The following EPHA7 variants were observed in gnomAD, a reference collection of about 807,000 sequenced individuals.
EPHA7 encodes the protein EPH receptor A7.
EPHA7 carries 25 observed loss-of-function variants against 112.6 expected under a neutral mutation model. The observed-to-expected ratio is 0.22, with a 90% confidence interval of 0.16 to 0.31. The LOEUF is 0.31. EPHA7 is among the 10% of genes least tolerant of loss of function. EPHA7 has a pLI of 1.00. For synonymous variants in EPHA7, 437 were observed against 406.5 expected (o/e 1.07, Z -0.90); for missense variants, 962 against 1,212.6 (o/e 0.79, Z 3.07).
chr6:93,344,994 A>C (rs1299381950), intron 5 of EPHA7, among the ~76,000 whole-genome samples: 1 of 151,494 alleles, frequency 6.6e-6, no homozygotes, highest in Non-Finnish European at 1.5e-5. Flanking sequence ...AAGCCCTACC[A>C]CCATTCGAAT....
intron 3 of EPHA7, among the ~76,000 whole-genome samples, chr6:93,403,267 T>C (rs759374020): frequency 6.6e-6 from 1 of 152,020 alleles, no homozygotes; most frequent in Non-Finnish European, 1.5e-5. Context: ...TGCCAGTGGA[T>C]AGTTTATGAG....
At position 93,272,414 on chromosome 6, in the gene EPHA7, G is replaced by T. The variant is rs749130416; in HGVS notation, c.1333C>A (p.Gln445Lys). ...CTCTCCTTCATTACTCCACTCACTT[G>T]CGAGGGAGCTGTTTGGACAAGATGT... The part of the protein sequence containing the change: ...SITTGQAAPS[Q>K]VSGVMKERVL... Residue 445 changes from glutamine to lysine, a missense_variant, in exon 6 of 17, where the codon CAA becomes AAA. Physicochemically the swap from Gln to Lys is moderately conservative, Grantham distance 53. Transcript: ENST00000369303. The T allele has an allele frequency of 2.0e-5, 32 of 1,611,442 alleles. No individual in the cohort carries two copies. The highest frequency in any genetic ancestry group is 2.6e-5 in the Non-Finnish European group (31 of 1,178,308).
chr6:93,246,637 A>G (rs908542880), intron 15 of EPHA7, among the ~76,000 whole-genome samples, 155 bp downstream of exon 15: 7 of 152,206 alleles, frequency 4.6e-5, no homozygotes, highest in Non-Finnish European at 1.5e-5. Context: ...CTAACTGAAA[A>G]GAAAAAAATA....
intron 3 of EPHA7, among the ~76,000 whole-genome samples, chr6:93,386,970 C>A (rs536731376): frequency 5.7e-4 from 87 of 152,220 alleles, no homozygotes; most frequent in Middle Eastern, 6.8e-3. Flanking sequence ...GGCCTCTGGA[C>A]CTGTGATGAC....
At chr6:93,383,042 T>C (rs2127973051) in intron 3 of EPHA7, among the ~76,000 whole-genome samples, 1 of 152,250 alleles carries the variant, frequency 6.6e-6, no homozygotes, top group South Asian at 2.1e-4. Context: ...GAGAGCTTAA[T>C]TTGATGGACC....
In EPHA7 at chr6:93,419,479, A is replaced by T; in HGVS notation, c.-138T>A. The T allele has an allele frequency of 1.6e-6, 1 of 635,640 alleles. No individual in the cohort carries two copies. The highest frequency in any genetic ancestry group is 2.1e-5 in the South Asian group (1 of 47,064). 39.4% of individuals were successfully genotyped at this position (635,640 alleles called of 1,614,324 possible). ...TTCTCGGTCCCCGATCGGCTGCTCCACGTTTAGCTTTTTTTAATTTCCCCC... is the reference window on the plus strand; with the variant it reads ...TTCTCGGTCCCCGATCGGCTGCTCCTCGTTTAGCTTTTTTTAATTTCCCCC... On this transcript the variant is annotated 5_prime_UTR_variant, in exon 1 of 17. Coordinates refer to ENST00000369303, the MANE Select transcript of EPHA7 (RefSeq NM_004440.4).
intron 6 of EPHA7, among the ~76,000 whole-genome samples, chr6:93,269,888 A>T (rs893680738): frequency 2.6e-5 from 4 of 151,800 alleles, no homozygotes; most frequent in Non-Finnish European, 4.4e-5. Flanking sequence ...TAAAACATTT[A>T]TGGTGTTTTT....
At chr6:93,352,007 T>C (rs1327681654) in intron 5 of EPHA7, among the ~76,000 whole-genome samples, 1 of 152,108 alleles carries the variant, frequency 6.6e-6, no homozygotes, top group East Asian at 1.9e-4. Context: ...TATCAAATAA[T>C]AAGTCTTTTC....
chr6:93,402,921 G>GCCTT (rs1469533367), intron 3 of EPHA7, among the ~76,000 whole-genome samples: 1 of 151,958 alleles, frequency 6.6e-6, no homozygotes, highest in Admixed American at 6.6e-5. Flanking sequence ...AGGGTGAAAT[G>GCCTT]CCTTTTGTTT....
At chr6:93,351,707 T>C (rs1775704215) in intron 5 of EPHA7, among the ~76,000 whole-genome samples, 1 of 151,990 alleles carries the variant, frequency 6.6e-6, no homozygotes, top group Non-Finnish European at 1.5e-5. Flanking sequence ...GGGGAAAATA[T>C]GAGGCCAAAA....
chr6:93,314,152 C>A (rs1400904857), intron 5 of EPHA7, among the ~76,000 whole-genome samples: 1 of 151,370 alleles, frequency 6.6e-6, no homozygotes, highest in African/African-American at 2.4e-5. Flanking sequence ...GGTATTAGTT[C>A]TACTTAACAA....
Position 93,242,104 on chromosome 6 carries a change from A to C in EPHA7, c.*1322T>G, listed in dbSNP as rs1458179591. ...AATATCTATAAAGACACATTTAATT[A>C]TTGCTTATGAAATTCTAACACAGTA... On this transcript the variant is annotated 3_prime_UTR_variant, in exon 17 of 17. Coordinates refer to ENST00000369303, the MANE Select transcript of EPHA7 (RefSeq NM_004440.4). 2 of 197,808 alleles carry C rather than the reference A, an allele frequency of 1.0e-5. No homozygotes were observed. Among genetic ancestry groups the C allele is most frequent in the Non-Finnish European group, 2.1e-5 (2 of 95,220 alleles). 12.3% of individuals were successfully genotyped at this position (197,808 alleles called of 1,614,324 possible).
At chr6:93,339,035 A>G (rs1298193422) in intron 5 of EPHA7, among the ~76,000 whole-genome samples, 1 of 150,998 alleles carries the variant, frequency 6.6e-6, no homozygotes, top group Non-Finnish European at 1.5e-5. Context: ...CCAACATTTT[A>G]TTAAATAACA....
chr6:93,359,645 A>G (rs59656540), intron 3 of EPHA7, among the ~76,000 whole-genome samples: 2,576 of 152,164 alleles, frequency 0.017, 67 homozygotes, highest in African/African-American at 0.058. Context: ...GAGATGTCAT[A>G]GTTTCCAGAA....
intron 5 of EPHA7, among the ~76,000 whole-genome samples, chr6:93,356,488 C>A (rs1343700450): frequency 6.6e-6 from 1 of 152,110 alleles, no homozygotes; most frequent in African/African-American, 2.4e-5. Flanking sequence ...CAGGTGTGAG[C>A]CACCGCGCCT....
intron 5 of EPHA7, among the ~76,000 whole-genome samples, chr6:93,337,448 G>A (rs772161546): frequency 2.2e-4 from 34 of 152,082 alleles, no homozygotes; most frequent in Non-Finnish European, 3.5e-4. Flanking sequence ...AAAAGTACTT[G>A]TATAAACATA....
intron 13 of EPHA7, among the ~76,000 whole-genome samples, 179 bp downstream of exon 13, chr6:93,255,649 T>C (rs544182994): frequency 6.6e-6 from 1 of 152,120 alleles, no homozygotes; most frequent in African/African-American, 2.4e-5. Context: ...TCTATATATA[T>C]ATTGTACAAA....
At chr6:93,291,701 G>C (rs1772381961) in intron 5 of EPHA7, among the ~76,000 whole-genome samples, 1 of 135,538 alleles carries the variant, frequency 7.4e-6, no homozygotes, top group African/African-American at 2.8e-5. Context: ...CCGGGAGGCG[G>C]AGCTGGCAGT....
At chr6:93,280,178 A>G (rs1771662347) in intron 5 of EPHA7, among the ~76,000 whole-genome samples, 1 of 152,202 alleles carries the variant, frequency 6.6e-6, no homozygotes, top group African/African-American at 2.4e-5. Context: ...ATCCTAACAT[A>G]GATGAAATAT....
Sources: gnomAD v4.1 joint callset for allele counts (sites outside exome capture counted in the v4.1 genomes callset) on GRCh38, gnomAD v4.1.1 for gene constraint, MANE v1.5 for transcripts, NCBI Gene and HGNC (gene_info 2026-07-23, HGNC 2026-07-21) for gene names.